The following ENTREP2 variants were observed in gnomAD, a reference collection of about 807,000 sequenced individuals.
ENTREP2 encodes the protein protein ENTREP2.
At chr15:29,584,225 A>G in the ENTREP2 span, among the ~76,000 whole-genome samples, 1 of 152,204 alleles carries the variant, frequency 6.6e-6, no homozygotes. Context: ...CTCAACAGTA[A>G]GGAAATAAAC....
chr15:29,252,364 T>C, the ENTREP2 span: 3 of 1,536,586 alleles, frequency 2.0e-6, no homozygotes, highest in African/African-American at 2.7e-5. Context: ...ATTTCATTAC[T>C]TACCAACTGG....
At chr15:29,657,336 T>C in the ENTREP2 span, among the ~76,000 whole-genome samples, 41 of 147,092 alleles carry the variant, frequency 2.8e-4, 1 homozygote, top group African/African-American at 2.9e-4. Context: ...CCCACCAGTG[T>C]TACAGCTCTC....
chr15:29,283,723 T>A, the ENTREP2 span, among the ~76,000 whole-genome samples: 1 of 152,146 alleles, frequency 6.6e-6, no homozygotes, highest in African/African-American at 2.4e-5. Flanking sequence ...TAATGACAGA[T>A]ACAGAAATAG....
At chr15:29,639,920 C>T in the ENTREP2 span, among the ~76,000 whole-genome samples, 1 of 152,006 alleles carries the variant, frequency 6.6e-6, no homozygotes, top group Non-Finnish European at 1.5e-5. Context: ...AGGTGCGCAC[C>T]ACCACGCCCA....
At chr15:29,193,361 G>A in the ENTREP2 span, among the ~76,000 whole-genome samples, 9 of 152,134 alleles carry the variant, frequency 5.9e-5, no homozygotes, top group South Asian at 2.1e-4. Flanking sequence ...GAGGAAAAGC[G>A]AATTATTTTC....
chr15:29,271,087 A>C, the ENTREP2 span, among the ~76,000 whole-genome samples: 1 of 152,248 alleles, frequency 6.6e-6, no homozygotes, highest in Non-Finnish European at 1.5e-5. Flanking sequence ...CTGCAATAGT[A>C]AATGTAAAAT....
At chr15:29,621,227 A>T in the ENTREP2 span, among the ~76,000 whole-genome samples, 2 of 151,898 alleles carry the variant, frequency 1.3e-5, no homozygotes, top group Non-Finnish European at 2.9e-5. Context: ...GTCTCTACTA[A>T]AAATAAAAAA....
the ENTREP2 span, among the ~76,000 whole-genome samples, chr15:29,307,941 A>G: frequency 6.6e-6 from 1 of 152,204 alleles, no homozygotes; most frequent in Non-Finnish European, 1.5e-5. Flanking sequence ...AAGATGACTA[A>G]AATACCTATT....
At chr15:29,121,452 C>G in the ENTREP2 span, 8,711 of 152,434 alleles carry the variant, frequency 0.057, 374 homozygotes, top group East Asian at 0.16. Context: ...GTGGACCCCC[C>G]CAAGCAGGTG....
the ENTREP2 span, among the ~76,000 whole-genome samples, chr15:29,436,679 AT>A: frequency 6.6e-6 from 1 of 152,200 alleles, no homozygotes; most frequent in East Asian, 1.9e-4. Flanking sequence ...TTACTTTGTA[AT>A]TTTAGGATAC....
At chr15:29,670,563 C>T in the ENTREP2 span, among the ~76,000 whole-genome samples, 129 of 152,306 alleles carry the variant, frequency 8.5e-4, 1 homozygote, top group African/African-American at 3.0e-3. Context: ...ACTGTTGTCC[C>T]TTCTGGGATG....
chr15:29,350,170 AT>A, the ENTREP2 span, among the ~76,000 whole-genome samples: 1 of 152,102 alleles, frequency 6.6e-6, no homozygotes, highest in Admixed American at 6.5e-5. Flanking sequence ...AAATAGGGGG[AT>A]TTTTCAACTC....
the ENTREP2 span, among the ~76,000 whole-genome samples, chr15:29,192,017 A>G: frequency 6.6e-6 from 1 of 152,234 alleles, no homozygotes; most frequent in South Asian, 2.1e-4. Flanking sequence ...CATCACCTCT[A>G]CTCTGCCAAT....
the ENTREP2 span, among the ~76,000 whole-genome samples, chr15:29,186,057 G>T: frequency 6.6e-6 from 1 of 152,110 alleles, no homozygotes; most frequent in South Asian, 2.1e-4. Flanking sequence ...CCCCGAATGG[G>T]GCGGTGGAGC....
At chr15:29,657,168 C>T in the ENTREP2 span, among the ~76,000 whole-genome samples, 1 of 152,084 alleles carries the variant, frequency 6.6e-6, no homozygotes, top group Admixed American at 6.5e-5. Flanking sequence ...CTGCCTCCTC[C>T]TCCTGAGCAG....
At chr15:29,667,487 CTTTTTTTTT>C in the ENTREP2 span, among the ~76,000 whole-genome samples, 3 of 104,702 alleles carry the variant, frequency 2.9e-5, no homozygotes, top group Non-Finnish European at 5.5e-5. Context: ...TGCGCCTGGC[CTTTTTTTTT>C]TTTTTTTTTT....
chr15:29,383,103 A>G, the ENTREP2 span, among the ~76,000 whole-genome samples: 1 of 151,866 alleles, frequency 6.6e-6, no homozygotes, highest in Non-Finnish European at 1.5e-5. Context: ...CTGTCTCCTG[A>G]GCCCTTTGTC....
the ENTREP2 span, among the ~76,000 whole-genome samples, chr15:29,469,089 T>G: frequency 6.6e-6 from 1 of 152,154 alleles, no homozygotes; most frequent in Admixed American, 6.5e-5. Context: ...CCAGAAATGC[T>G]GACACATGCA....
At chr15:29,206,215 G>C in the ENTREP2 span, among the ~76,000 whole-genome samples, 1 of 152,144 alleles carries the variant, frequency 6.6e-6, no homozygotes, top group Non-Finnish European at 1.5e-5. Flanking sequence ...TTCACAGATG[G>C]ATCACTGTGT....
Sources: allele counts gnomAD v4.1 joint callset (sites outside exome capture counted in the v4.1 genomes callset), GRCh38; gene constraint gnomAD v4.1.1; transcripts MANE v1.5; gene names NCBI Gene and HGNC (gene_info 2026-07-23, HGNC 2026-07-21).